Variants in TMEM116 observed in about 807,000 individuals in gnomAD.
TMEM116 encodes transmembrane protein 116.
A neutral mutation model predicts 44.3 loss-of-function variants in TMEM116; 38 were observed. That is an observed-to-expected ratio of 0.86 (90% CI 0.66 to 1.12). The LOEUF is 1.12. TMEM116 is among the 50% of genes most tolerant of loss of function. TMEM116 has a pLI of 0.00. For missense variants in TMEM116, 354 were observed against 401.7 expected, an observed-to-expected ratio of 0.88 and a Z score of 1.01; for synonymous variants, 132 against 144.8, an observed-to-expected ratio of 0.91 and a Z score of 0.64.
chr12:112,011,027 C>G (rs551576203), intron 1 of TMEM116: 2 of 152,350 alleles, frequency 1.3e-5, no homozygotes, highest in Admixed American at 6.5e-5. Context: ...GCCCCAAGCC[C>G]GCTCTGAGAT....
intron 3 of TMEM116, among the ~76,000 whole-genome samples, chr12:111,994,954 A>G (rs1326025065): frequency 1.3e-5 from 2 of 152,162 alleles, no homozygotes; most frequent in East Asian, 3.8e-4. Flanking sequence ...GTTGCATTGC[A>G]TTCCCAGAGC....
intron 4 of TMEM116, among the ~76,000 whole-genome samples, chr12:111,980,062 C>T (rs946937143): frequency 1.3e-5 from 2 of 152,168 alleles, no homozygotes; most frequent in African/African-American, 4.8e-5. Context: ...TATAATCCAG[C>T]AATCATCCTC....
intron 4 of TMEM116, among the ~76,000 whole-genome samples, chr12:111,945,030 G>C (rs113373295): frequency 7.0e-6 from 1 of 143,876 alleles, no homozygotes; most frequent in African/African-American, 2.6e-5. Flanking sequence ...AGACAAGATC[G>C]CGCCACTGCA....
intron 3 of TMEM116, among the ~76,000 whole-genome samples, chr12:111,997,699 T>A (rs922150732): frequency 6.6e-6 from 1 of 152,146 alleles, no homozygotes; most frequent in Non-Finnish European, 1.5e-5. Flanking sequence ...ATTTTTCTCA[T>A]ATATTTCTCC....
At chr12:111,981,809 A>G (rs1431070390) in intron 4 of TMEM116, among the ~76,000 whole-genome samples, 2 of 152,226 alleles carry the variant, frequency 1.3e-5, no homozygotes, top group Non-Finnish European at 2.9e-5. Context: ...TGAATGGATA[A>G]AGAAAATATG....
At chr12:111,932,734 G>T in intron 9 of TMEM116, 75 bp from the exon 10 acceptor site, 1 of 1,153,932 alleles carries the variant, frequency 8.7e-7, no homozygotes, top group South Asian at 1.3e-5. Flanking sequence ...ACACACGTCT[G>T]AGCATTATCA....
rs769672878 is a variant in TMEM116, at chr12:111,931,677, A to G, written c.958T>C (p.Leu320=). 3 of 1,614,196 alleles carry G rather than the reference A, an allele frequency of 1.9e-6. No homozygotes were observed. The South Asian group carries it at 3.3e-5, about 18-fold the overall frequency. The change falls in exon 11 of 11, where the codon TTA becomes CTA. Residue 320 remains leucine (L), a synonymous_variant. Transcript: ENST00000552374. Reference sequence around the variant, plus strand: ...GTCAGGGTGGATTCCAGTGAATTTAAGCCCCTGCTATAGAATCTCTTCTGT... The same window carrying G: ...GTCAGGGTGGATTCCAGTGAATTTAGGCCCCTGCTATAGAATCTCTTCTGT... ...CSQKRFYSRG[L]NSLESTLTFP... is the part of the protein sequence containing the mutation.
intron 4 of TMEM116, among the ~76,000 whole-genome samples, chr12:111,955,317 C>T (rs974903861): frequency 5.9e-5 from 9 of 152,262 alleles, no homozygotes; most frequent in Admixed American, 1.3e-4. Flanking sequence ...ATCCACTGTT[C>T]GGCCAGGGTC....
intron 4 of TMEM116, among the ~76,000 whole-genome samples, chr12:111,972,798 C>T (rs948218025): frequency 6.6e-6 from 1 of 151,612 alleles, no homozygotes; most frequent in Non-Finnish European, 1.5e-5. Context: ...ATTGCTGCAA[C>T]CCAGGAGGAG....
At chr12:111,958,676 A>G (rs2074346632) in intron 4 of TMEM116, among the ~76,000 whole-genome samples, 1 of 152,222 alleles carries the variant, frequency 6.6e-6, no homozygotes, top group Non-Finnish European at 1.5e-5. Context: ...GCTGAAAAAC[A>G]CAGCACAAGA....
chr12:111,957,875 T>C (rs1250513453), intron 4 of TMEM116, among the ~76,000 whole-genome samples: 1 of 152,220 alleles, frequency 6.6e-6, no homozygotes, highest in East Asian at 1.9e-4. Context: ...CAGATTGTTA[T>C]TGTGTCTGTG....
At chr12:111,937,846 G>T (rs2072287110) in intron 6 of TMEM116, among the ~76,000 whole-genome samples, 1 of 152,090 alleles carries the variant, frequency 6.6e-6, no homozygotes, top group East Asian at 1.9e-4. Context: ...ATATCCTGAA[G>T]GCCATCTATT....
At chr12:111,963,947 A>G (rs528386382) in intron 4 of TMEM116, among the ~76,000 whole-genome samples, 3 of 152,016 alleles carry the variant, frequency 2.0e-5, no homozygotes, top group East Asian at 1.9e-4. Flanking sequence ...CTCAAATGTT[A>G]TTTCTTTTAT....
At chr12:111,977,594 C>T (rs1450587557) in intron 4 of TMEM116, among the ~76,000 whole-genome samples, 2 of 151,628 alleles carry the variant, frequency 1.3e-5, no homozygotes, top group African/African-American at 4.8e-5. Flanking sequence ...TTGTGTATGT[C>T]AGTAAATTCG....
intron 3 of TMEM116, among the ~76,000 whole-genome samples, chr12:111,994,452 C>G (rs145321588): frequency 6.6e-6 from 1 of 152,272 alleles, no homozygotes; most frequent in African/African-American, 2.4e-5. Flanking sequence ...GCGTCACCGC[C>G]TTCTGGTCCT....
chr12:111,991,603 T>C (rs1000606613), intron 4 of TMEM116, 155 bp downstream of exon 4: 22 of 618,572 alleles, frequency 3.6e-5, no homozygotes, highest in Non-Finnish European at 5.2e-5. Context: ...TTCTATAATA[T>C]AGTGTTTTTA....
intron 1 of TMEM116, chr12:112,005,967 C>T: frequency 1.0e-6 from 1 of 985,878 alleles, no homozygotes; most frequent in Non-Finnish European, 1.2e-6. Flanking sequence ...AACTGTCCTC[C>T]AGAATGCTAG....
intron 5 of TMEM116, among the ~76,000 whole-genome samples, chr12:111,940,519 A>G (rs7954381): frequency 1.5e-3 from 164 of 110,638 alleles, no homozygotes; most frequent in African/African-American, 6.6e-3. Context: ...ACACATATAT[A>G]TGTGTATATA....
chr12:111,971,894 C>G (rs1315578704), intron 4 of TMEM116, among the ~76,000 whole-genome samples: 5 of 151,916 alleles, frequency 3.3e-5, no homozygotes, highest in South Asian at 2.1e-4. Flanking sequence ...TTGGGCAACA[C>G]AGTGAAACCC....
Sources: gnomAD v4.1 joint callset for allele counts (sites outside exome capture counted in the v4.1 genomes callset) on GRCh38, gnomAD v4.1.1 for gene constraint, MANE v1.5 for transcripts, NCBI Gene and HGNC (gene_info 2026-07-23, HGNC 2026-07-21) for gene names.